The following GRIA2 variants were observed in gnomAD, a reference collection of about 807,000 sequenced individuals.
The protein encoded by GRIA2 is glutamate ionotropic receptor AMPA type subunit 2, also known as glutamate receptor 2.
In GRIA2, 14 loss-of-function variants were observed where a neutral mutation model predicts 97.3. The ratio of observed to expected loss-of-function variants is 0.14; its 90% CI spans 0.10 to 0.23. The LOEUF (loss-of-function observed/expected upper bound fraction) is 0.23. GRIA2 is among the 10% of genes least tolerant of loss of function. The pLI is 1.00. For synonymous variants in GRIA2, 412 were observed against 387.8 expected (o/e 1.06, Z -0.73); for missense variants, 558 against 1,069.8 (o/e 0.52, Z 6.67).
intron 2 of GRIA2, among the ~76,000 whole-genome samples, chr4:157,273,734 G>A (rs1579321941): frequency 6.6e-6 from 1 of 152,082 alleles, no homozygotes; most frequent in East Asian, 1.9e-4. Context: ...CAAGAACTAT[G>A]GGACAACTAC....
intron 12 of GRIA2, among the ~76,000 whole-genome samples, chr4:157,355,821 ATATT>A (rs1185619712): frequency 1.4e-3 from 112 of 79,486 alleles, no homozygotes; most frequent in African/African-American, 4.7e-3. Flanking sequence ...TTAGTTATAT[ATATT>A]TATATATATT....
At chr4:157,289,787 T>G (rs987814528) in intron 2 of GRIA2, among the ~76,000 whole-genome samples, 4 of 151,822 alleles carry the variant, frequency 2.6e-5, no homozygotes, top group African/African-American at 9.7e-5. Context: ...ATATTAAAAA[T>G]AAAAGAAAAG....
intron 2 of GRIA2, among the ~76,000 whole-genome samples, chr4:157,299,824 C>T (rs1475253452): frequency 6.6e-6 from 1 of 152,152 alleles, no homozygotes; most frequent in Non-Finnish European, 1.5e-5. Context: ...TCAGTGAGAG[C>T]ATCTTTACTT....
At chr4:157,257,575 A>G (rs1731334786) in intron 2 of GRIA2, among the ~76,000 whole-genome samples, 1 of 152,066 alleles carries the variant, frequency 6.6e-6, no homozygotes, top group Admixed American at 6.6e-5. Flanking sequence ...CAAAAGTATC[A>G]TTCATCACGA....
intron 8 of GRIA2, among the ~76,000 whole-genome samples, chr4:157,333,749 C>T (rs539439218): frequency 6.6e-6 from 1 of 151,936 alleles, no homozygotes; most frequent in South Asian, 2.1e-4. Flanking sequence ...ATTTTAATTA[C>T]ATTTCTATAT....
At chr4:157,307,944 A>G (rs1733913623) in intron 3 of GRIA2, among the ~76,000 whole-genome samples, 1 of 152,266 alleles carries the variant, frequency 6.6e-6, no homozygotes, top group Non-Finnish European at 1.5e-5. Flanking sequence ...AATTTGGCCT[A>G]GGCATGCTGC....
intron 2 of GRIA2, among the ~76,000 whole-genome samples, chr4:157,241,531 AT>A (rs1317006570): frequency 6.6e-6 from 1 of 152,016 alleles, no homozygotes; most frequent in Admixed American, 6.6e-5. Flanking sequence ...TGTTTAGTTG[AT>A]TTTGCCCTTC....
chr4:157,303,469 A>C (rs1448605483), intron 2 of GRIA2, 83 bp from the exon 3 acceptor site: 2 of 1,115,218 alleles, frequency 1.8e-6, no homozygotes, highest in East Asian at 2.4e-5. Flanking sequence ...TTTTATGTAA[A>C]AGGACATTAC....
Position 157,361,757 on chromosome 4 carries a change from A to C in GRIA2, c.2406+633A>C. On this transcript the variant is annotated intron_variant, in intron 14 of 15. Transcript: ENST00000264426. This position sits in a 1 kb window ranked among gnomAD's most constrained non-coding sequence, Gnocchi z 5.2. The stretch of plus-strand genomic sequence containing the variant: ...ATGACCCATCTTAAATAGAATGTAA[A>C]TGCAAATATGCATGAGATGCATAAT... 1 of 716,616 alleles carries C rather than the reference A, an allele frequency of 1.4e-6. No homozygotes were observed. The highest frequency in any genetic ancestry group is 1.7e-5 in the South Asian group (1 of 57,426). The allele number at this position is 716,616 out of a possible 1,614,324, so 44.4% of individuals were successfully genotyped here. A position where few individuals can be genotyped will look rare whatever the true frequency, so the allele number is the denominator to read the frequency against.
intron 2 of GRIA2, among the ~76,000 whole-genome samples, chr4:157,287,869 A>C (rs1732915030): frequency 6.6e-6 from 1 of 151,642 alleles, no homozygotes; most frequent in Non-Finnish European, 1.5e-5. Flanking sequence ...GACAGTCTTC[A>C]ATGTCCTGCC....
At chr4:157,342,136 G>T (rs954686640) in intron 12 of GRIA2, 1 of 969,592 alleles carries the variant, frequency 1.0e-6, no homozygotes, top group Non-Finnish European at 1.2e-6. Flanking sequence ...CTCTTTCTAT[G>T]AAAATGTTTA....
intron 3 of GRIA2, among the ~76,000 whole-genome samples, chr4:157,308,226 G>A (rs2126876744): frequency 6.6e-6 from 1 of 152,284 alleles, no homozygotes; most frequent in South Asian, 2.1e-4. Flanking sequence ...GTCAAGATGA[G>A]ACTATCACTG....
rs974431333 is a variant in GRIA2 at position 157,335,505 on chromosome 4, G to A, written c.1267-166G>A. ...GATAGACATTCCGAGGCTTTCTGGG[G>A]GGAAGCATTATGCTTAAATTATTCC... On this transcript the variant is annotated intron_variant, in intron 9 of 15. Coordinates refer to ENST00000264426, the MANE Select transcript of GRIA2 (RefSeq NM_001083619.3). 9.7e-5 allele frequency: 58 copies of A among 597,982 alleles called. No individual in the cohort carries two copies. In the Admixed American group the frequency reaches 1.6e-3, roughly 17 times the overall value. 37.0% of individuals were successfully genotyped at this position (597,982 alleles called of 1,614,324 possible).
At chr4:157,256,426 A>G (rs1731277862) in intron 2 of GRIA2, among the ~76,000 whole-genome samples, 1 of 150,232 alleles carries the variant, frequency 6.7e-6, no homozygotes. Context: ...TTAGATTCCA[A>G]TCTTATCCTT....
At chr4:157,276,788 C>T (rs948395710) in intron 2 of GRIA2, among the ~76,000 whole-genome samples, 46 of 151,620 alleles carry the variant, frequency 3.0e-4, no homozygotes, top group African/African-American at 1.0e-3. Flanking sequence ...ATTTGACATA[C>T]TATATTAAAT....
chr4:157,244,862 G>T (rs1458810072), intron 2 of GRIA2, among the ~76,000 whole-genome samples: 1 of 151,904 alleles, frequency 6.6e-6, no homozygotes, highest in Non-Finnish European at 1.5e-5. Context: ...GTTGTGAGGA[G>T]GAATGAGGCC....
intron 13 of GRIA2, 99 bp downstream of exon 13, chr4:157,360,242 A>G: frequency 8.2e-7 from 1 of 1,224,510 alleles, no homozygotes; most frequent in Non-Finnish European, 1.1e-6. Context: ...TACGGATATG[A>G]GGTAACTCAC....
intron 12 of GRIA2, among the ~76,000 whole-genome samples, chr4:157,355,951 T>TTAGATATTTA (rs1736306427): frequency 1.5e-5 from 1 of 68,104 alleles, no homozygotes; most frequent in Admixed American, 2.5e-4. Flanking sequence ...TAATATATAT[T>TTAGATATTTA]TATATATTTA....
chr4:157,330,722 T>C (rs1020854643), intron 6 of GRIA2, among the ~76,000 whole-genome samples: 13 of 151,976 alleles, frequency 8.6e-5, no homozygotes, highest in African/African-American at 3.1e-4. Flanking sequence ...AAAAAGCACA[T>C]TTGGAAAATG....
Sources: allele counts gnomAD v4.1 joint callset (sites outside exome capture counted in the v4.1 genomes callset), GRCh38; gene constraint gnomAD v4.1.1; non-coding constraint Gnocchi (gnomAD v3.1); transcripts MANE v1.5; gene names NCBI Gene and HGNC (gene_info 2026-07-23, HGNC 2026-07-21).